The following NRG3 variants were observed in gnomAD, a reference collection of about 807,000 sequenced individuals.
NRG3 encodes the protein neuregulin 3.
A neutral mutation model predicts 66.9 loss-of-function variants in NRG3; 31 were observed. The ratio of observed to expected loss-of-function variants is 0.46; its 90% CI spans 0.35 to 0.63. The LOEUF is 0.63. Ranked by LOEUF, NRG3 falls within the 20% of genes least tolerant of loss-of-function variation. NRG3 has a pLI of 0.00. For missense variants in NRG3, 910 were observed against 878.9 expected (o/e 1.04, Z -0.45); for synonymous variants, 393 against 359.4 (o/e 1.09, Z -1.06).
chr10:82,329,357 G>T (rs1253597826), intron 1 of NRG3, among the ~76,000 whole-genome samples: 2 of 146,836 alleles, frequency 1.4e-5, no homozygotes, highest in African/African-American at 5.1e-5. Context: ...TTTTTCTTTT[G>T]CCTCAATTAC....
chr10:82,548,652 G>T (rs971613680), intron 2 of NRG3, among the ~76,000 whole-genome samples: 2 of 151,974 alleles, frequency 1.3e-5, no homozygotes, highest in African/African-American at 2.4e-5. Flanking sequence ...ATGTGTTCAG[G>T]AGGAAGTCCA....
intron 2 of NRG3, among the ~76,000 whole-genome samples, chr10:82,629,076 A>C (rs751176830): frequency 6.6e-5 from 10 of 152,114 alleles, no homozygotes; most frequent in Non-Finnish European, 1.3e-4. Flanking sequence ...TTTGGGGAGG[A>C]TAAAACTACT....
chr10:82,772,308 T>G (rs2059742143), intron 3 of NRG3, among the ~76,000 whole-genome samples: 1 of 149,680 alleles, frequency 6.7e-6, no homozygotes, highest in Non-Finnish European at 1.5e-5. Flanking sequence ...TACTTTTCAT[T>G]CATTCATTCA....
intron 3 of NRG3, among the ~76,000 whole-genome samples, chr10:82,740,004 CT>C (rs2058342711): frequency 2.1e-5 from 1 of 47,826 alleles, no homozygotes; most frequent in Admixed American, 3.0e-4. Flanking sequence ...TTTTCTTTCT[CT>C]CTCTTTTTTC....
At chr10:82,685,676 A>G (rs865830089) in intron 2 of NRG3, among the ~76,000 whole-genome samples, 1 of 152,306 alleles carries the variant, frequency 6.6e-6, no homozygotes, top group Non-Finnish European at 1.5e-5. Context: ...ACTGTTTTGT[A>G]GTAATACTTA....
chr10:82,882,948 C>T (rs965011965), intron 4 of NRG3, among the ~76,000 whole-genome samples: 2 of 152,180 alleles, frequency 1.3e-5, no homozygotes, highest in Non-Finnish European at 1.5e-5. Flanking sequence ...GTGATTAAGA[C>T]TATTATTCAC....
At chr10:82,118,227 A>C (rs2067852078) in intron 1 of NRG3, among the ~76,000 whole-genome samples, 1 of 151,798 alleles carries the variant, frequency 6.6e-6, no homozygotes, top group African/African-American at 2.4e-5. Flanking sequence ...AAAAAAAAAA[A>C]AAAAACTAAA....
At chr10:82,621,911 A>T (rs983387142) in intron 2 of NRG3, among the ~76,000 whole-genome samples, 5 of 152,192 alleles carry the variant, frequency 3.3e-5, no homozygotes, top group African/African-American at 1.2e-4. Context: ...TAACGTAGAA[A>T]CCATGTAATA....
At chr10:82,227,462 AAACTT>A (rs1347317906) in intron 1 of NRG3, among the ~76,000 whole-genome samples, 2 of 152,056 alleles carry the variant, frequency 1.3e-5, no homozygotes, top group Non-Finnish European at 2.9e-5. Context: ...TTAAGGGAAA[AAACTT>A]AAAGGGTTTT....
intron 1 of NRG3, among the ~76,000 whole-genome samples, chr10:82,150,154 G>A (rs2070600927): frequency 6.6e-6 from 1 of 152,066 alleles, no homozygotes; most frequent in Non-Finnish European, 1.5e-5. Flanking sequence ...AGGAGCCTCC[G>A]GGACCCTTCA....
intron 2 of NRG3, among the ~76,000 whole-genome samples, chr10:82,672,500 G>C (rs1185996947): frequency 6.6e-6 from 1 of 152,188 alleles, no homozygotes; most frequent in Non-Finnish European, 1.5e-5. Flanking sequence ...TCAATGTGGA[G>C]AGTAGTAATG....
chr10:82,175,861 T>TTA (rs2072996717), intron 1 of NRG3, among the ~76,000 whole-genome samples: 2 of 152,184 alleles, frequency 1.3e-5, no homozygotes, highest in African/African-American at 4.8e-5. Context: ...ATTCTCTAGT[T>TTA]GATATATATC....
intron 6 of NRG3, among the ~76,000 whole-genome samples, chr10:82,960,790 C>CT: frequency 6.6e-6 from 1 of 152,250 alleles, no homozygotes; most frequent in East Asian, 1.9e-4. Flanking sequence ...AGCTCCCCCA[C>CT]TGAGCACCTT....
At chr10:82,117,292 T>C (rs765126974) in intron 1 of NRG3, among the ~76,000 whole-genome samples, 6 of 152,104 alleles carry the variant, frequency 3.9e-5, no homozygotes, top group Non-Finnish European at 2.9e-5. Context: ...ACTCACTCAT[T>C]GAGCTTAAGG....
chr10:82,264,249 T>TG (rs879803816), intron 1 of NRG3, among the ~76,000 whole-genome samples: 9 of 152,154 alleles, frequency 5.9e-5, no homozygotes, highest in African/African-American at 1.9e-4. Flanking sequence ...TCCACATTGC[T>TG]GGGGGGCCTC....
intron 4 of NRG3, among the ~76,000 whole-genome samples, chr10:82,869,895 A>G (rs1055731249): frequency 3.3e-5 from 5 of 151,626 alleles, no homozygotes; most frequent in African/African-American, 1.2e-4. Flanking sequence ...GGCGTGAGCC[A>G]CCACACCTGG....
At chr10:82,974,201 A>C (rs1192321130) in intron 7 of NRG3, among the ~76,000 whole-genome samples, 1 of 152,202 alleles carries the variant, frequency 6.6e-6, no homozygotes, top group Non-Finnish European at 1.5e-5. Flanking sequence ...AAACTATTTT[A>C]AAAAATATGT....
intron 2 of NRG3, among the ~76,000 whole-genome samples, chr10:82,675,340 G>C (rs1224601774): frequency 2.0e-5 from 3 of 152,138 alleles, no homozygotes; most frequent in African/African-American, 7.2e-5. Context: ...TGGGGGTGAA[G>C]TCATAGGGTT....
At chr10:82,823,892 T>C (rs1384213730) in intron 3 of NRG3, among the ~76,000 whole-genome samples, 3 of 152,152 alleles carry the variant, frequency 2.0e-5, no homozygotes, top group Non-Finnish European at 4.4e-5. Context: ...AATTTGGTAG[T>C]TTTTTAGCAT....
Sources: gnomAD v4.1 joint callset for allele counts (sites outside exome capture counted in the v4.1 genomes callset) on GRCh38, gnomAD v4.1.1 for gene constraint, MANE v1.5 for transcripts, NCBI Gene and HGNC (gene_info 2026-07-23, HGNC 2026-07-21) for gene names.